ANKRD29: variants seen among roughly 807,000 people sequenced by gnomAD.
The protein encoded by ANKRD29 is ankyrin repeat domain-containing protein 29.
ANKRD29 carries 32 observed loss-of-function variants against 38.0 expected under a neutral mutation model. The observed-to-expected ratio is 0.84, with a 90% CI of 0.64 to 1.13. The LOEUF is 1.13. Among genes scored for constraint, ANKRD29 ranks in the 50% most tolerant of loss-of-function variants. The pLI is 0.00. For synonymous variants in ANKRD29, 135 were observed against 152.4 expected, an observed-to-expected ratio of 0.89 and a Z score of 0.84; for missense variants, 357 against 377.9, an observed-to-expected ratio of 0.94 and a Z score of 0.46.
chr18:23,633,887 T>TAA (rs71163625), intron 5 of ANKRD29, among the ~76,000 whole-genome samples, 164 bp downstream of exon 5: 4 of 151,842 alleles, frequency 2.6e-5, no homozygotes, highest in Middle Eastern at 3.4e-3. Context: ...GGTTTCTATA[T>TAA]AAAAAAAGCC....
chr18:23,658,671 A>G (rs2060315800), intron 1 of ANKRD29, among the ~76,000 whole-genome samples: 1 of 152,216 alleles, frequency 6.6e-6, no homozygotes, highest in South Asian at 2.1e-4. Flanking sequence ...CCAAAAATTC[A>G]TGTGTTCAAG....
intron 5 of ANKRD29, among the ~76,000 whole-genome samples, chr18:23,630,827 G>A (rs567767870): frequency 1.3e-4 from 19 of 147,352 alleles, no homozygotes; most frequent in East Asian, 2.0e-4. Context: ...TTAGCTGGGC[G>A]AGGTGGCATG....
At position 23,612,301 on chromosome 18, in the gene ANKRD29, C is replaced by T. The variant is rs1255633184; in HGVS notation, c.724-111G>A. On this transcript the variant is annotated intron_variant, in intron 8 of 9. Coordinates refer to ENST00000592179, the MANE Select transcript of ANKRD29 (RefSeq NM_173505.4). ...TAAGACTGTAACCTCATACCCGTAACCTTCCTTATCTTGCCTTGTACTTTT... is the reference window on the plus strand; with the variant it reads ...TAAGACTGTAACCTCATACCCGTAATCTTCCTTATCTTGCCTTGTACTTTT... The T allele has an allele frequency of 3.5e-6, 3 of 860,096 alleles. No individual in the cohort carries two copies. The African/African-American group carries it at 5.1e-5, about 15-fold the overall frequency. The allele number at this position is 860,096 out of a possible 1,614,324, so 53.3% of individuals were successfully genotyped here.
chr18:23,602,703 T>C (rs2059528967), intron 9 of ANKRD29, among the ~76,000 whole-genome samples: 1 of 152,008 alleles, frequency 6.6e-6, no homozygotes, highest in African/African-American at 2.4e-5. Flanking sequence ...GAGGACCACT[T>C]GAGCTCAGGA....
intron 9 of ANKRD29, among the ~76,000 whole-genome samples, chr18:23,604,412 A>C (rs1291970117): frequency 6.6e-6 from 1 of 152,106 alleles, no homozygotes; most frequent in Non-Finnish European, 1.5e-5. Context: ...TGGATATGTC[A>C]GCCTGTTTTT....
chr18:23,635,951 T>C (rs1034840219), intron 4 of ANKRD29, among the ~76,000 whole-genome samples: 1 of 152,164 alleles, frequency 6.6e-6, no homozygotes, highest in African/African-American at 2.4e-5. Flanking sequence ...GGCTGAAGGC[T>C]GAAGCTGGTG....
intron 1 of ANKRD29, among the ~76,000 whole-genome samples, chr18:23,660,505 C>T (rs1666389004): frequency 6.6e-6 from 1 of 152,178 alleles, no homozygotes; most frequent in South Asian, 2.1e-4. Context: ...GCAGCCACTG[C>T]CTTTTAAAAA....
chr18:23,601,794 C>T (rs1204240014), intron 9 of ANKRD29, among the ~76,000 whole-genome samples: 1 of 151,904 alleles, frequency 6.6e-6, no homozygotes, highest in Non-Finnish European at 1.5e-5. Context: ...CTCAGCCTCC[C>T]GAGTAGCTGG....
chr18:23,607,016 G>A (rs955782662), intron 9 of ANKRD29, among the ~76,000 whole-genome samples: 2 of 152,158 alleles, frequency 1.3e-5, no homozygotes, highest in African/African-American at 4.8e-5. Context: ...TGCTTTATCT[G>A]GAAACTTGAT....
chr18:23,662,125 G>A (rs189176703), intron 1 of ANKRD29, among the ~76,000 whole-genome samples: 1 of 151,888 alleles, frequency 6.6e-6, no homozygotes, highest in East Asian at 1.9e-4. Context: ...AGGCACATTT[G>A]AACTGTTTAA....
At chr18:23,648,908 C>T (rs1266329345) in intron 2 of ANKRD29, 175 bp downstream of exon 2, 2 of 526,832 alleles carry the variant, frequency 3.8e-6, no homozygotes, top group Non-Finnish European at 6.6e-6. Context: ...TTTCTGACTT[C>T]CCCCAGCATG....
At chr18:23,646,590 A>G (rs1598525635) in intron 2 of ANKRD29, 3 of 222,390 alleles carry the variant, frequency 1.3e-5, no homozygotes, top group Admixed American at 5.5e-5. Context: ...TATTGCTCTC[A>G]TTTTATGATT....
At chr18:23,603,616 G>C (rs145628218) in intron 9 of ANKRD29, among the ~76,000 whole-genome samples, 105 of 152,320 alleles carry the variant, frequency 6.9e-4, no homozygotes, top group African/African-American at 2.5e-3. Context: ...CTGAGTGATA[G>C]TGAGAGAGAC....
intron 4 of ANKRD29, among the ~76,000 whole-genome samples, chr18:23,636,822 C>T (rs2060009208): frequency 6.6e-6 from 1 of 152,202 alleles, no homozygotes; most frequent in South Asian, 2.1e-4. Context: ...GATCTGCCTG[C>T]CTCAGCCTCC....
Position 23,662,787 on chromosome 18 carries a change from C to G in ANKRD29, c.-57G>C, listed in dbSNP as rs1240358338. 7 of 1,407,686 alleles carry G rather than the reference C, an allele frequency of 5.0e-6. No homozygotes were observed. In the South Asian group the frequency reaches 7.2e-5, roughly 14 times the overall value. 87.2% of individuals were successfully genotyped at this position (1,407,686 alleles called of 1,614,324 possible). ...CTTTGGGCCCGGGGCGCCTTGTCCT[C>G]CCCGGCCCTTCACTCTCCCGGGGCT... On this transcript the variant is annotated 5_prime_UTR_variant, in exon 1 of 10. Transcript: ENST00000592179.
rs145092409 is a variant in ANKRD29 at position 23,601,125 on chromosome 18, C to CT, written c.*100dup. On this transcript the variant is annotated 3_prime_UTR_variant, in exon 10 of 10. Transcript: ENST00000592179. ...CCCACAGGATGGGCATTCTGGGCATCTTTTTTTTTCATAAAAGAATTTCCA... is the reference window on the plus strand; with the variant it reads ...CCCACAGGATGGGCATTCTGGGCATCTTTTTTTTTTCATAAAAGAATTTCCA... The CT allele has an allele frequency of 8.1e-3, 8,527 of 1,054,660 alleles. 223 individuals are homozygous for CT. The African/African-American group carries it at 0.088, about 11-fold the overall frequency. The allele number at this position is 1,054,660 out of a possible 1,614,324, so 65.3% of individuals were successfully genotyped here.
chr18:23,639,327 G>A (rs1009146413), intron 3 of ANKRD29, among the ~76,000 whole-genome samples: 8 of 152,082 alleles, frequency 5.3e-5, no homozygotes, highest in African/African-American at 1.4e-4. Flanking sequence ...ACTCACAACA[G>A]CTAAAATGTG....
intron 1 of ANKRD29, among the ~76,000 whole-genome samples, chr18:23,661,887 T>C (rs528133362): frequency 1.3e-5 from 2 of 152,280 alleles, no homozygotes; most frequent in Admixed American, 6.5e-5. Context: ...ACTCCTCTGC[T>C]TACATGAGCT....
chr18:23,652,662 G>T (rs561525726), intron 1 of ANKRD29, among the ~76,000 whole-genome samples: 3 of 152,288 alleles, frequency 2.0e-5, no homozygotes, highest in African/African-American at 7.2e-5. Context: ...GACAGTGCAC[G>T]TGAAAATACA....
Sources: gnomAD v4.1 joint callset for allele counts (sites outside exome capture counted in the v4.1 genomes callset) on GRCh38, gnomAD v4.1.1 for gene constraint, MANE v1.5 for transcripts, NCBI Gene and HGNC (gene_info 2026-07-23, HGNC 2026-07-21) for gene names.